HNRNPA1L3: variants seen among roughly 807,000 people sequenced by gnomAD.
The protein encoded by HNRNPA1L3 is heterogeneous nuclear ribonucleoprotein A1-like 3.
the HNRNPA1L3 span, chr16:51,646,676 G>C: frequency 3.1e-6 from 5 of 1,598,518 alleles, no homozygotes; most frequent in African/African-American, 2.7e-5. Flanking sequence ...CAGAAGCTCT[G>C]GCCCCCATGG....
the HNRNPA1L3 span, chr16:51,645,784 A>C: frequency 1.4e-5 from 23 of 1,608,250 alleles, no homozygotes; most frequent in South Asian, 2.2e-4. Context: ...GCCGCCGAAG[A>C]AGCATCGTTA....
At chr16:51,645,817 C>T in the HNRNPA1L3 span, 1 of 1,607,784 alleles carries the variant, frequency 6.2e-7, no homozygotes, top group African/African-American at 1.3e-5. Flanking sequence ...ACCCTGCCGT[C>T]ATGTCTAAGT....
At chr16:51,647,062 G>C in the HNRNPA1L3 span, 2 of 429,692 alleles carry the variant, frequency 4.7e-6, no homozygotes, top group Non-Finnish European at 8.4e-6. Context: ...ACCCCATGCT[G>C]TTGATTGCTA....
chr16:51,646,255 G>A, the HNRNPA1L3 span: 16 of 1,596,626 alleles, frequency 1.0e-5, no homozygotes, highest in Non-Finnish European at 1.4e-5. Context: ...GCAAGAAAAG[G>A]GGCTTTGCCT....
At chr16:51,646,956 T>G in the HNRNPA1L3 span, 1 of 679,300 alleles carries the variant, frequency 1.5e-6, no homozygotes, top group Admixed American at 2.2e-5. Flanking sequence ...GGACTGTATT[T>G]GTGACTAATT....
the HNRNPA1L3 span, chr16:51,646,455 A>G: frequency 6.3e-7 from 1 of 1,595,584 alleles, no homozygotes; most frequent in Non-Finnish European, 8.5e-7. Context: ...TTCGGTGGGA[A>G]TGACAACTTC....
At chr16:51,646,731 A>G in the HNRNPA1L3 span, 3 of 1,598,294 alleles carry the variant, frequency 1.9e-6, no homozygotes, top group East Asian at 2.2e-5. Context: ...CAAGGTGGCT[A>G]TGGCGGTTCC....
the HNRNPA1L3 span, chr16:51,646,719 A>T: frequency 6.3e-7 from 1 of 1,598,716 alleles, no homozygotes; most frequent in Non-Finnish European, 8.5e-7. Context: ...AAACCACGAA[A>T]CCAAGGTGGC....
chr16:51,645,779 C>T, the HNRNPA1L3 span: 47 of 1,607,854 alleles, frequency 2.9e-5, no homozygotes, highest in Middle Eastern at 2.3e-4. Context: ...TGGACGCCGC[C>T]GAAGAAGCAT....
the HNRNPA1L3 span, chr16:51,645,978 C>T: frequency 1.2e-6 from 2 of 1,603,334 alleles, no homozygotes; most frequent in Non-Finnish European, 8.5e-7. Flanking sequence ...ACGAAGCGCT[C>T]CAGGGGCTTT....
the HNRNPA1L3 span, chr16:51,646,622 C>T: frequency 1.3e-6 from 2 of 1,595,996 alleles, no homozygotes; most frequent in Non-Finnish European, 1.7e-6. Context: ...TTACAACAAT[C>T]AGTCTTCAAA....
the HNRNPA1L3 span, chr16:51,645,794 A>G: frequency 2.5e-6 from 4 of 1,607,986 alleles, no homozygotes; most frequent in East Asian, 8.9e-5. Context: ...AAGCATCGTT[A>G]AAGTCTCTCT....
the HNRNPA1L3 span, chr16:51,646,739 T>C: frequency 2.5e-6 from 4 of 1,598,068 alleles, no homozygotes; most frequent in African/African-American, 5.3e-5. Flanking sequence ...CTATGGCGGT[T>C]CCAGCAGCAG....
At chr16:51,645,935 C>T in the HNRNPA1L3 span, 587 of 1,606,686 alleles carry the variant, frequency 3.7e-4, 2 homozygotes, top group East Asian at 0.012. Flanking sequence ...ATGGGGAACG[C>T]TCACGGACTG....
chr16:51,646,410 G>T, the HNRNPA1L3 span: 888 of 1,563,328 alleles, frequency 5.7e-4, 20 homozygotes, highest in East Asian at 0.02. Flanking sequence ...GGTCGAAGTG[G>T]TTCTGGAAAC....
the HNRNPA1L3 span, chr16:51,645,970 G>A: frequency 2.5e-6 from 4 of 1,604,972 alleles, no homozygotes; most frequent in South Asian, 2.2e-5. Context: ...ATCCAAACAC[G>A]AAGCGCTCCA....
the HNRNPA1L3 span, chr16:51,646,140 T>C: frequency 6.3e-7 from 1 of 1,594,908 alleles, no homozygotes; most frequent in Non-Finnish European, 8.5e-7. Flanking sequence ...AAAAAGATAT[T>C]TGTTGGTGGC....
the HNRNPA1L3 span, chr16:51,646,110 C>A: frequency 6.3e-7 from 1 of 1,596,106 alleles, no homozygotes; most frequent in East Asian, 2.2e-5. Context: ...TCTCAAAGAC[C>A]AGATGCCCAC....
the HNRNPA1L3 span, chr16:51,646,121 T>C: frequency 6.3e-7 from 1 of 1,596,016 alleles, no homozygotes; most frequent in East Asian, 2.2e-5. Context: ...AGATGCCCAC[T>C]TAACTGTGAA....
Sources: allele counts gnomAD v4.1 joint callset, GRCh38; gene constraint gnomAD v4.1.1; transcripts MANE v1.5; gene names NCBI Gene and HGNC (gene_info 2026-07-23, HGNC 2026-07-21).